The following LRRC7 variants were observed in gnomAD, a reference collection of about 807,000 sequenced individuals.
LRRC7 encodes the protein leucine rich repeat containing 7.
Under a neutral mutation model 175.7 loss-of-function variants are expected in LRRC7, and 23 were observed. The ratio of observed to expected loss-of-function variants is 0.13; its 90% confidence interval spans 0.09 to 0.19. The LOEUF (loss-of-function observed/expected upper bound fraction) is 0.19. LRRC7 is among the 10% of genes least tolerant of loss of function. The probability of loss-of-function intolerance (pLI) is 1.00; values close to 1 mark genes in which losing one functional copy is unlikely to be tolerated. For synonymous variants in LRRC7, 685 were observed against 680.9 expected, an observed-to-expected ratio of 1.01 and a Z score of -0.09; for missense variants, 1,354 against 1,904.7, an observed-to-expected ratio of 0.71 and a Z score of 5.38.
At chr1:69,694,229 A>G (rs1662268945) in intron 2 of LRRC7, among the ~76,000 whole-genome samples, 1 of 152,200 alleles carries the variant, frequency 6.6e-6, no homozygotes, top group African/African-American at 2.4e-5. Flanking sequence ...AATTACATGT[A>G]TCCTCACCTA....
At chr1:69,666,289 A>G (rs61782255) in intron 1 of LRRC7, among the ~76,000 whole-genome samples, 35,330 of 151,894 alleles carry the variant, frequency 0.23, 4,217 homozygotes, top group South Asian at 0.29. Flanking sequence ...AGTTTTCTCT[A>G]TTGATGTATC....
intron 2 of LRRC7, among the ~76,000 whole-genome samples, chr1:69,684,108 A>G (rs1019392147): frequency 2.6e-5 from 4 of 152,172 alleles, no homozygotes; most frequent in Non-Finnish European, 5.9e-5. Flanking sequence ...TTTCTGATGT[A>G]CTGTATAAAA....
At chr1:70,053,299 C>A (rs1392779957) in intron 23 of LRRC7, among the ~76,000 whole-genome samples, 154 bp downstream of exon 23, 2 of 152,106 alleles carry the variant, frequency 1.3e-5, no homozygotes, top group Non-Finnish European at 2.9e-5. Flanking sequence ...ACTGTAAGTA[C>A]ATTGAAATGA....
At chr1:69,797,227 A>C (rs1449476615) in intron 4 of LRRC7, among the ~76,000 whole-genome samples, 2 of 152,184 alleles carry the variant, frequency 1.3e-5, no homozygotes, top group Admixed American at 1.3e-4. Flanking sequence ...TGACACTCCG[A>C]TAAGTAATGA....
chr1:69,811,788 G>A (rs1478445186), intron 4 of LRRC7, among the ~76,000 whole-genome samples: 2 of 152,048 alleles, frequency 1.3e-5, no homozygotes, highest in Non-Finnish European at 2.9e-5. Context: ...GAGGCTAGGG[G>A]AGGGATAGCA....
rs183508768 is a variant in LRRC7 at position 69,749,802 on chromosome 1, G to T, written c.101-10389G>T. On this transcript the variant is annotated intron_variant, in intron 2 of 26. Coordinates refer to ENST00000651989, the MANE Select transcript of LRRC7 (RefSeq NM_001370785.2). Reference sequence around the variant, plus strand: ...GAAGGTAGAAAACTGAAAAGTTCACGCCTGTAATCCCAGCACTTTGGGAGG... The same window carrying T: ...GAAGGTAGAAAACTGAAAAGTTCACTCCTGTAATCCCAGCACTTTGGGAGG... 6.4e-4 allele frequency among the ~76,000 whole-genome samples: 97 copies of T among 152,078 alleles called. 1 individual carries two copies. The highest frequency in any genetic ancestry group is 2.2e-3 in the African/African-American group (90 of 41,518).
chr1:69,716,001 A>G lies in LRRC7; in HGVS notation c.100+37523A>G, dbSNP rs149866261. 339 of 364,896 alleles carry G rather than the reference A, an allele frequency of 9.3e-4. 1 individual carries two copies. The highest frequency in any genetic ancestry group is 6.6e-3 in the African/African-American group (313 of 47,632). The allele number at this position is 364,896 out of a possible 1,614,324, so 22.6% of individuals were successfully genotyped here. ...GCAGTGTTTGTGGAATTATTCTTAT[A>G]GGATATGTAACCTGACAATTAGGGA... On this transcript the variant is annotated intron_variant, in intron 2 of 26. Transcript: ENST00000651989.
chr1:69,677,977 T>G (rs1180521879), intron 1 of LRRC7, among the ~76,000 whole-genome samples: 1 of 152,006 alleles, frequency 6.6e-6, no homozygotes, highest in Non-Finnish European at 1.5e-5. Context: ...TCTCTCTCTC[T>G]TCCTATAAAG....
chr1:69,947,538 T>G (rs979872403), intron 8 of LRRC7, among the ~76,000 whole-genome samples: 13 of 152,178 alleles, frequency 8.5e-5, no homozygotes, highest in African/African-American at 3.1e-4. Flanking sequence ...AACTCTACAC[T>G]TTTACATTTC....
chr1:69,671,099 C>T (rs987063441), intron 1 of LRRC7, among the ~76,000 whole-genome samples: 16 of 152,108 alleles, frequency 1.1e-4, no homozygotes, highest in African/African-American at 3.9e-4. Flanking sequence ...CCCATAGCCA[C>T]CACAACTGGG....
At chr1:69,938,123 A>G (rs1648243165) in intron 8 of LRRC7, among the ~76,000 whole-genome samples, 1 of 152,070 alleles carries the variant, frequency 6.6e-6, no homozygotes, top group Non-Finnish European at 1.5e-5. Context: ...GAAAAAGAAA[A>G]CAATATTTAA....
chr1:69,703,590 C>T (rs1350177580), intron 2 of LRRC7, among the ~76,000 whole-genome samples: 3 of 151,948 alleles, frequency 2.0e-5, no homozygotes, highest in Non-Finnish European at 2.9e-5. Context: ...TGTATTATTA[C>T]ATATCTATAT....
At chr1:70,072,929 A>G (rs1662498515) in intron 23 of LRRC7, among the ~76,000 whole-genome samples, 1 of 152,096 alleles carries the variant, frequency 6.6e-6, no homozygotes, top group Admixed American at 6.6e-5. Context: ...TGGTTCAACT[A>G]ATGAGGGTGG....
chr1:69,749,690 T>C (rs1407448915), intron 2 of LRRC7, among the ~76,000 whole-genome samples: 2 of 152,110 alleles, frequency 1.3e-5, no homozygotes, highest in African/African-American at 4.8e-5. Context: ...AGGGTTGACA[T>C]AGATGAAGAA....
At chr1:70,065,003 T>C (rs1005241030) in intron 23 of LRRC7, among the ~76,000 whole-genome samples, 1 of 151,932 alleles carries the variant, frequency 6.6e-6, no homozygotes, top group Non-Finnish European at 1.5e-5. Flanking sequence ...ACTTCTTGAG[T>C]ATATTCTCTG....
intron 8 of LRRC7, among the ~76,000 whole-genome samples, chr1:69,953,168 A>G (rs1305382667): frequency 6.6e-6 from 1 of 151,916 alleles, no homozygotes; most frequent in Non-Finnish European, 1.5e-5. Flanking sequence ...CGTAGTCTTT[A>G]CTAACCTAAA....
rs920514480 is a variant in LRRC7, at chr1:70,130,675, A to G, written c.*8788A>G. On this transcript the variant is annotated 3_prime_UTR_variant, in exon 27 of 27. Transcript: ENST00000651989. Reference sequence around the variant, plus strand: ...GAAGTGGCTTTTATTTAATTGGAGCACACCATATCTATCCTTTTGATTTGA... The same window carrying G: ...GAAGTGGCTTTTATTTAATTGGAGCGCACCATATCTATCCTTTTGATTTGA... Among the ~76,000 whole-genome samples the G allele has an allele frequency of 2.0e-5, 3 of 152,242 alleles. No individual in the cohort carries two copies. The highest frequency in any genetic ancestry group is 4.8e-5 in the African/African-American group (2 of 41,462).
At chr1:69,916,137 T>G (rs1646695450) in intron 7 of LRRC7, among the ~76,000 whole-genome samples, 1 of 123,662 alleles carries the variant, frequency 8.1e-6, no homozygotes, top group Non-Finnish European at 1.6e-5. Context: ...ATTTTATATA[T>G]ATAATATATA....
intron 1 of LRRC7, among the ~76,000 whole-genome samples, chr1:69,662,199 C>CA (rs1657570228): frequency 6.6e-6 from 1 of 152,092 alleles, no homozygotes; most frequent in African/African-American, 2.4e-5. Flanking sequence ...TGTAAAGATG[C>CA]TCTATAACCA....
Sources: allele counts gnomAD v4.1 joint callset (sites outside exome capture counted in the v4.1 genomes callset), GRCh38; gene constraint gnomAD v4.1.1; transcripts MANE v1.5; gene names NCBI Gene and HGNC (gene_info 2026-07-23, HGNC 2026-07-21).